The following SNRPD2 variants were observed in gnomAD, a reference collection of about 807,000 sequenced individuals.
SNRPD2 encodes small nuclear ribonucleoprotein Sm D2.
Under a neutral mutation model 11.5 loss-of-function variants are expected in SNRPD2, and 1 was observed. The ratio of observed to expected loss-of-function variants is 0.09; its 90% CI spans 0.03 to 0.41. SNRPD2 has a LOEUF of 0.41. SNRPD2 is among the 10% of genes least tolerant of loss of function. The probability of loss-of-function intolerance (pLI) is 0.98; values close to 1 mark genes in which losing one functional copy is unlikely to be tolerated. For missense variants in SNRPD2, 77 were observed against 154.9 expected (o/e 0.50, Z 2.67); for synonymous variants, 63 against 61.5 (o/e 1.02, Z -0.12).
intron 1 of SNRPD2, among the ~76,000 whole-genome samples, chr19:45,689,603 C>T (rs939192000): frequency 2.0e-5 from 3 of 151,784 alleles, no homozygotes; most frequent in Non-Finnish European, 2.9e-5. Flanking sequence ...CTCAGCTACT[C>T]GGGAGGTTAA....
At position 45,687,864 on chromosome 19, in the gene SNRPD2, G is replaced by T; in HGVS notation, c.183-137C>A. ...GGTGCTAGGCCGGGATGACCAAGCT[G>T]CCAAAGCAACTCTGCCAGTCCTTAG... On this transcript the variant is annotated intron_variant, in intron 2 of 2. Coordinates refer to ENST00000342669, the MANE Select transcript of SNRPD2 (RefSeq NM_001384647.1). The surrounding 1 kb of genome is among the most constrained non-coding windows in gnomAD (Gnocchi z 4.1). The T allele has an allele frequency of 1.5e-6, 1 of 678,220 alleles. No individual in the cohort carries two copies. Among genetic ancestry groups the T allele is most frequent in the East Asian group, 2.6e-5 (1 of 37,908 alleles). The allele number at this position is 678,220 out of a possible 1,614,324, so 42.0% of individuals were successfully genotyped here. A position where few individuals can be genotyped will look rare whatever the true frequency, so the allele number is the denominator to read the frequency against.
At position 45,691,948 on chromosome 19, in the gene SNRPD2, A is replaced by G; in HGVS notation, c.-60T>C. Reference sequence around the variant, plus strand: ...CTCCGCGTTGCTGCTGCCTGAGGAGAGAGAGGCGGGACTTCCTCTTCCTGC... The same window carrying G: ...CTCCGCGTTGCTGCTGCCTGAGGAGGGAGAGGCGGGACTTCCTCTTCCTGC... On this transcript the variant is annotated 5_prime_UTR_variant, in exon 1 of 3. Coordinates refer to ENST00000342669, the MANE Select transcript of SNRPD2 (RefSeq NM_001384647.1). The G allele has an allele frequency of 1.9e-6, 3 of 1,613,108 alleles. No individual in the cohort carries two copies. Among genetic ancestry groups the G allele is most frequent in the Non-Finnish European group, 2.5e-6 (3 of 1,179,270 alleles).
rs372732405 is a variant in SNRPD2, at chr19:45,687,568, G to C, written c.342C>G (p.Leu114=). 1.2e-6 allele frequency: 2 copies of C among 1,614,070 alleles called. No homozygotes were observed. The highest frequency in any genetic ancestry group is 2.7e-5 in the African/African-American group (2 of 74,956). The part of the protein sequence containing the change: ...DSVIVVLRNP[L]IAGK ...CAGGCGGCCCCTACTTGCCGGCGATGAGCGGGTTCCGCAGGACCACGATGA... is the reference window on the plus strand; with the variant it reads ...CAGGCGGCCCCTACTTGCCGGCGATCAGCGGGTTCCGCAGGACCACGATGA... Residue 114 remains leucine (L), a synonymous_variant, in exon 3 of 3, where the codon CTC becomes CTG. Coordinates refer to ENST00000342669, the MANE Select transcript of SNRPD2 (RefSeq NM_001384647.1). This position sits in a 1 kb window ranked among gnomAD's most constrained non-coding sequence, Gnocchi z 4.1.
chr19:45,690,329 CAA>C (rs71175207), intron 1 of SNRPD2, among the ~76,000 whole-genome samples: 5 of 74,584 alleles, frequency 6.7e-5, no homozygotes, highest in Non-Finnish European at 9.9e-5. Context: ...GACTCCGTCT[CAA>C]AAAAAAAAAA....
At position 45,687,547 on chromosome 19, in the gene SNRPD2, C is replaced by A. The variant is rs1457801094; in HGVS notation, c.*6G>T. On this transcript the variant is annotated 3_prime_UTR_variant, in exon 3 of 3. Transcript: ENST00000342669. The surrounding 1 kb of genome is among the most constrained non-coding windows in gnomAD (Gnocchi z 4.1). ...GGAGTGAGTTCTGTCAACAGACAGGCGGCCCCTACTTGCCGGCGATGAGCG... is the reference window on the plus strand; with the variant it reads ...GGAGTGAGTTCTGTCAACAGACAGGAGGCCCCTACTTGCCGGCGATGAGCG... 1 of 1,613,218 alleles carries A rather than the reference C, an allele frequency of 6.2e-7. No homozygotes were observed. The highest frequency in any genetic ancestry group is 1.1e-5 in the South Asian group (1 of 91,022).
At chr19:45,690,085 A>T (rs1170651965) in intron 1 of SNRPD2, among the ~76,000 whole-genome samples, 2 of 151,204 alleles carry the variant, frequency 1.3e-5, no homozygotes, top group South Asian at 4.2e-4. Flanking sequence ...TAATCCCAGC[A>T]CTTTGGGAGG....
At chr19:45,691,408 A>T (rs1200191495) in intron 1 of SNRPD2, 1 of 157,404 alleles carries the variant, frequency 6.4e-6, no homozygotes, top group African/African-American at 2.4e-5. Flanking sequence ...TGGGATTTAC[A>T]AACCTGAGCC....
At chr19:45,690,329 C>CA (rs71175207) in intron 1 of SNRPD2, among the ~76,000 whole-genome samples, 18,826 of 74,364 alleles carry the variant, frequency 0.25, 2,683 homozygotes, top group East Asian at 0.53. Flanking sequence ...GACTCCGTCT[C>CA]AAAAAAAAAA....
chr19:45,690,102 C>T (rs566206086), intron 1 of SNRPD2, among the ~76,000 whole-genome samples: 5 of 151,158 alleles, frequency 3.3e-5, no homozygotes, highest in South Asian at 2.1e-4. Context: ...GAGGCCGAGG[C>T]GGGCGGATCA....
Position 45,688,373 on chromosome 19 carries a change from G to A in SNRPD2, c.182+14C>T. The A allele has an allele frequency of 6.2e-7, 1 of 1,613,362 alleles. No homozygotes were observed. Among genetic ancestry groups the A allele is most frequent in the Non-Finnish European group, 8.5e-7 (1 of 1,179,354 alleles). On this transcript the variant is annotated intron_variant, in intron 2 of 2. Coordinates refer to ENST00000342669, the MANE Select transcript of SNRPD2 (RefSeq NM_001384647.1). The surrounding 1 kb of genome is among the most constrained non-coding windows in gnomAD (Gnocchi z 4.1). The stretch of plus-strand genomic sequence containing the variant: ...CAGGCCTGCGGAGAACACCTCCCAG[G>A]ACCCAGCACTCACCTATCGAAGGCC...
In SNRPD2 at chr19:45,687,646, C is replaced by T; in HGVS notation, c.264G>A (p.Lys88=). The change falls in exon 3 of 3, where the codon AAG becomes AAA. Residue 88 remains lysine, a synonymous_variant. Transcript: ENST00000342669. The surrounding 1 kb of genome is among the most constrained non-coding windows in gnomAD (Gnocchi z 4.1). ...AGATGTAGCGGTCTTTGTTGACTGG[C>T]TTGGACTTCTTCTTGCCCTTGCCAC... ...PKSGKGKKKS[K]PVNKDRYISK... 6.2e-7 allele frequency: 1 copy of T among 1,614,110 alleles called. No individual in the cohort carries two copies. Among genetic ancestry groups the T allele is most frequent in the Non-Finnish European group, 8.5e-7 (1 of 1,179,934 alleles).
intron 1 of SNRPD2, among the ~76,000 whole-genome samples, chr19:45,691,213 C>A (rs1967538992): frequency 6.6e-6 from 1 of 152,156 alleles, no homozygotes; most frequent in South Asian, 2.1e-4. Flanking sequence ...TCACTGCAAC[C>A]TCCGCCTCCC....
chr19:45,692,073 A>T (rs955836745), upstream of SNRPD2: 47 of 1,514,634 alleles, frequency 3.1e-5, no homozygotes, highest in Non-Finnish European at 3.9e-5. Context: ...GATGGAATAA[A>T]AGCTTCGGGT....
At chr19:45,691,618 G>A in intron 1 of SNRPD2, 1 of 478,690 alleles carries the variant, frequency 2.1e-6, no homozygotes, top group South Asian at 2.6e-5. Flanking sequence ...GCGATGCTCC[G>A]CCTTGGCCTA....
At chr19:45,691,765 A>T (rs896612455) in intron 1 of SNRPD2, 122 bp downstream of exon 1, 4 of 1,226,984 alleles carry the variant, frequency 3.3e-6, no homozygotes, top group Admixed American at 1.7e-5. Flanking sequence ...GAAAAGCAGG[A>T]CGCTGCATCC....
chr19:45,691,810 CA>C (rs1297761428), intron 1 of SNRPD2, 76 bp downstream of exon 1: 61 of 1,564,270 alleles, frequency 3.9e-5, no homozygotes, highest in Non-Finnish European at 5.0e-5. Context: ...CCGCTCTGCT[CA>C]ACCCTTCCCA....
rs910448699 is a variant in SNRPD2 at position 45,688,801 on chromosome 19, C to T, written c.3-235G>A. ...AGGCTGGAGCGCAGTGATGTGATCT[C>T]GGCTCACTGCAACCTCTGCCTCCTG... On this transcript the variant is annotated intron_variant, in intron 1 of 2. Coordinates refer to ENST00000342669, the MANE Select transcript of SNRPD2 (RefSeq NM_001384647.1). The surrounding 1 kb of genome is among the most constrained non-coding windows in gnomAD (Gnocchi z 4.1). 4.0e-5 allele frequency among the ~76,000 whole-genome samples: 6 copies of T among 151,474 alleles called. No homozygotes were observed. The East Asian group carries it at 1.2e-3, about 29-fold the overall frequency.
At chr19:45,691,713 G>C (rs1014343408) in intron 1 of SNRPD2, 174 bp downstream of exon 1, 8 of 791,252 alleles carry the variant, frequency 1.0e-5, no homozygotes, top group Middle Eastern at 2.4e-4. Flanking sequence ...CCGAAGTCAC[G>C]ATGCGTCAAA....
At chr19:45,689,104 A>G (rs1967476867) in intron 1 of SNRPD2, 3 of 445,414 alleles carry the variant, frequency 6.7e-6, no homozygotes, top group African/African-American at 2.0e-5. Context: ...CCCTATCTAC[A>G]GCGTTCCCCA....
Sources: gnomAD v4.1 joint callset for allele counts (sites outside exome capture counted in the v4.1 genomes callset) on GRCh38, gnomAD v4.1.1 for gene constraint, Gnocchi (gnomAD v3.1) non-coding constraint, MANE v1.5 for transcripts, NCBI Gene and HGNC (gene_info 2026-07-23, HGNC 2026-07-21) for gene names.